The following ZNF133 variants were observed in gnomAD, a reference collection of about 807,000 sequenced individuals.
ZNF133 encodes the protein zinc finger protein 133 (clone pHZ-13).
A neutral mutation model predicts 54.9 loss-of-function variants in ZNF133; 26 were observed. The ratio of observed to expected loss-of-function variants is 0.47; its 90% CI spans 0.35 to 0.66. The LOEUF (loss-of-function observed/expected upper bound fraction) is 0.66. ZNF133 is among the 30% of genes least tolerant of loss of function. The probability of loss-of-function intolerance (pLI) is 0.01; values close to 1 mark genes in which losing one functional copy is unlikely to be tolerated. For synonymous variants in ZNF133, 298 were observed against 320.3 expected (o/e 0.93, Z 0.74); for missense variants, 653 against 820.8 (o/e 0.80, Z 2.50).
At position 18,315,212 on chromosome 20, in the gene ZNF133, G is replaced by A; in HGVS notation, c.361G>A (p.Asp121Asn). 1.2e-6 allele frequency: 2 copies of A among 1,614,074 alleles called. No homozygotes were observed. Among genetic ancestry groups the A allele is most frequent in the Non-Finnish European group, 1.7e-6 (2 of 1,179,978 alleles). Reference protein sequence around the residue: ...LCAEGNIQPGDPGPGDQEKQQ... With the variant: ...LCAEGNIQPGNPGPGDQEKQQ... ...TGCAGAAGGTAACATCCAGCCTGGG[G>A]ATCCGGGCCCAGGGGACCAGGAGAA... The change falls in exon 7 of 7, where the codon GAT becomes AAT. Residue 121 changes from aspartate to asparagine, a missense_variant. Physicochemically the swap from Asp to Asn is conservative, Grantham distance 23 (BLOSUM62 1). Around this residue, in one of 4 missense-constraint regions of ZNF133, gnomAD observed 227 missense variants for 233.9 expected, o/e 0.97. Coordinates refer to ENST00000425686, the MANE Select transcript of ZNF133 (RefSeq NM_001352452.2).
At chr20:18,309,141 T>G (rs1017833447) in intron 6 of ZNF133, among the ~76,000 whole-genome samples, 1 of 152,156 alleles carries the variant, frequency 6.6e-6, no homozygotes, top group Admixed American at 6.6e-5. Context: ...ACCAGCCCCA[T>G]TGGATTAGGG....
chr20:18,290,150 A>G (rs1384342059), intron 1 of ZNF133: 1 of 152,118 alleles, frequency 6.6e-6, no homozygotes, highest in African/African-American at 2.4e-5. Context: ...TGTGTTCTAC[A>G]ATGTCCCATC....
intron 3 of ZNF133, 71 bp from the exon 4 acceptor site, chr20:18,304,937 A>T (rs2044265259): frequency 1.1e-6 from 1 of 929,578 alleles, no homozygotes; most frequent in Non-Finnish European, 1.3e-6. Context: ...TCTTCCCTTG[A>T]TTCCAACCCA....
chr20:18,310,159 T>C, intron 6 of ZNF133: 1 of 1,323,828 alleles, frequency 7.6e-7, no homozygotes, highest in Non-Finnish European at 9.6e-7. Flanking sequence ...ATCCTTGTTT[T>C]AATTTAAAGA....
At position 18,304,250 on chromosome 20, in the gene ZNF133, A is replaced by C. The variant is rs370875453; in HGVS notation, c.-177-758A>C. 5.5e-4 allele frequency among the ~76,000 whole-genome samples: 84 copies of C among 152,312 alleles called. 1 individual carries two copies. The highest frequency in any genetic ancestry group is 3.4e-3 in the Middle Eastern group (1 of 294). On this transcript the variant is annotated intron_variant, in intron 3 of 6. Coordinates refer to ENST00000425686, the MANE Select transcript of ZNF133 (RefSeq NM_001352452.2). ...TGGCTATTACTTTAAAAAAAACCCA[A>C]AACTAGAAAGCAGTAAGTGTTGACA...
chr20:18,295,660 A>T (rs6045315), intron 1 of ZNF133, among the ~76,000 whole-genome samples: 45,707 of 151,870 alleles, frequency 0.3, 8,254 homozygotes, highest in East Asian at 0.58. Context: ...TTAATTAATT[A>T]ATTTATTTAT....
intron 3 of ZNF133, among the ~76,000 whole-genome samples, chr20:18,302,182 C>T (rs2843444): frequency 0.14 from 21,968 of 152,002 alleles, 1,686 homozygotes; most frequent in East Asian, 0.19. Flanking sequence ...TGGTGGATCA[C>T]CTGAGGTCAG....
chr20:18,290,249 T>C (rs1305666519), intron 1 of ZNF133, among the ~76,000 whole-genome samples: 1 of 152,246 alleles, frequency 6.6e-6, no homozygotes, highest in African/African-American at 2.4e-5. Flanking sequence ...TCAGAGCTGA[T>C]GCTCTCATTC....
intron 1 of ZNF133, among the ~76,000 whole-genome samples, chr20:18,289,054 T>C (rs957971756): frequency 6.6e-6 from 1 of 152,068 alleles, no homozygotes; most frequent in African/African-American, 2.4e-5. Context: ...CCCCGAGGCA[T>C]TGGTCGGTTG....
intron 6 of ZNF133, chr20:18,313,668 G>A (rs1600576459): frequency 6.6e-6 from 1 of 152,336 alleles, no homozygotes; most frequent in East Asian, 1.9e-4. Flanking sequence ...TTTCCATAAT[G>A]TCAAGGAAGT....
chr20:18,300,941 G>A (rs1600428446), intron 3 of ZNF133, among the ~76,000 whole-genome samples: 1 of 152,050 alleles, frequency 6.6e-6, no homozygotes, highest in African/African-American at 2.4e-5. Flanking sequence ...TGAACAAGGT[G>A]TAAATCCAAT....
Position 18,298,032 on chromosome 20 carries a change from A to C in ZNF133, c.-384A>C, listed in dbSNP as rs1161917033. The C allele has an allele frequency of 6.5e-7, 1 of 1,534,264 alleles. No homozygotes were observed. Among genetic ancestry groups the C allele is most frequent in the Admixed American group, 2.0e-5 (1 of 50,966 alleles). On this transcript the variant is annotated 5_prime_UTR_variant, in exon 2 of 7. Transcript: ENST00000425686. ...CTTCTTCAGGGAGATAAGGAAAAAA[A>C]GCCACAGGGTCCCGGAGAGCCAGGG...
At chr20:18,306,260 C>T in intron 5 of ZNF133, 38 bp from the exon 6 acceptor site, 5 of 1,584,312 alleles carry the variant, frequency 3.2e-6, no homozygotes, top group Non-Finnish European at 4.3e-6. Flanking sequence ...GCTCTTGAGC[C>T]CATAACCTAG....
intron 1 of ZNF133, chr20:18,290,049 C>T (rs1420595635): frequency 1.3e-5 from 2 of 152,318 alleles, no homozygotes; most frequent in Non-Finnish European, 2.9e-5. Flanking sequence ...GGGGGTACTC[C>T]TGAGCTCCTG....
intron 3 of ZNF133, 138 bp from the exon 4 acceptor site, chr20:18,304,870 C>T: frequency 1.9e-6 from 1 of 525,680 alleles, no homozygotes; most frequent in Non-Finnish European, 2.4e-6. Flanking sequence ...TTCCTTTGCT[C>T]ATAATGTCCT....
At position 18,315,859 on chromosome 20, in the gene ZNF133, C is replaced by T; in HGVS notation, c.1008C>T (p.Ser336=). Residue 336 remains serine, a synonymous_variant, in exon 7 of 7, where the codon AGC becomes AGT. Coordinates refer to ENST00000425686, the MANE Select transcript of ZNF133 (RefSeq NM_001352452.2). ...YVCRECGKGF[S]QKSAVVRHQR... ...GCCGGGAATGTGGCAAAGGCTTCAG[C>T]CAGAAGTCAGCTGTCGTGAGACACC... is the stretch of plus-strand genomic sequence containing the variant. 1.2e-6 allele frequency: 2 copies of T among 1,613,074 alleles called. No homozygotes were observed. Among genetic ancestry groups the T allele is most frequent in the Non-Finnish European group, 1.7e-6 (2 of 1,179,356 alleles).
chr20:18,299,710 G>C (rs547019411), intron 3 of ZNF133, among the ~76,000 whole-genome samples: 9 of 152,082 alleles, frequency 5.9e-5, no homozygotes, highest in Non-Finnish European at 1.0e-4. Flanking sequence ...GCAACACTAC[G>C]TACAAGGGAT....
intron 6 of ZNF133, among the ~76,000 whole-genome samples, chr20:18,307,693 T>C (rs2044963690): frequency 6.6e-6 from 1 of 152,208 alleles, no homozygotes; most frequent in South Asian, 2.1e-4. Context: ...TATTTTTAAA[T>C]CTTTTTTTTC....
At chr20:18,314,800 G>A in intron 6 of ZNF133, 2 of 372,296 alleles carry the variant, frequency 5.4e-6, no homozygotes, top group Non-Finnish European at 4.8e-6. Flanking sequence ...AGGGGGAACT[G>A]TTCCATACTG....
Sources: allele counts gnomAD v4.1 joint callset (sites outside exome capture counted in the v4.1 genomes callset), GRCh38; gene constraint gnomAD v4.1.1; regional missense constraint gnomAD v4.1.1; transcripts MANE v1.5; gene names NCBI Gene and HGNC (gene_info 2026-07-23, HGNC 2026-07-21).